The following LRRTM4 variants were observed in gnomAD, a reference collection of about 807,000 sequenced individuals.
LRRTM4 encodes leucine-rich repeat transmembrane neuronal protein 4.
A neutral mutation model predicts 47.6 loss-of-function variants in LRRTM4; 25 were observed. The ratio of observed to expected loss-of-function variants is 0.53; its 90% CI spans 0.38 to 0.73. The LOEUF (loss-of-function observed/expected upper bound fraction) is 0.73. Among genes scored for constraint, LRRTM4 ranks in the 30% least tolerant of loss-of-function variants. The pLI is 0.00. For missense variants in LRRTM4, 638 were observed against 713.4 expected, an observed-to-expected ratio of 0.89 and a Z score of 1.20; for synonymous variants, 311 against 269.5, an observed-to-expected ratio of 1.15 and a Z score of -1.51.
chr2:76,955,620 G>A (rs1237034099), intron 3 of LRRTM4, among the ~76,000 whole-genome samples: 2 of 151,688 alleles, frequency 1.3e-5, no homozygotes, highest in Non-Finnish European at 2.9e-5. Context: ...TTCCCAATAC[G>A]ATGCTATGTA....
At position 76,930,863 on chromosome 2, in the gene LRRTM4, G is replaced by T. The variant is rs1674746973; in HGVS notation, c.1552-181947C>A. ...TTAGAAATGCTCAAGAAATTATGAA[G>T]CACTGTTTACAAATAAATTATAATG... On this transcript the variant is annotated intron_variant, in intron 3 of 3. Coordinates refer to ENST00000409884, the MANE Select transcript of LRRTM4 (RefSeq NM_001134745.3). Among the ~76,000 whole-genome samples the T allele has an allele frequency of 2.0e-5, 3 of 152,114 alleles. No homozygotes were observed. In the South Asian group the frequency reaches 6.2e-4, roughly 32 times the overall value.
intron 2 of LRRTM4, 99 bp downstream of exon 2, chr2:77,521,569 T>C (rs886457332): frequency 1.4e-6 from 2 of 1,393,326 alleles, no homozygotes; most frequent in Non-Finnish European, 1.0e-6. Context: ...TGCTGCTCTT[T>C]GCCTGTTTCC....
intron 3 of LRRTM4, among the ~76,000 whole-genome samples, chr2:77,261,856 G>T (rs532477907): frequency 2.0e-5 from 3 of 151,958 alleles, no homozygotes; most frequent in Non-Finnish European, 4.4e-5. Context: ...ATACAACATG[G>T]GTTCCCAACC....
At chr2:77,323,674 T>C (rs1670643513) in intron 3 of LRRTM4, among the ~76,000 whole-genome samples, 1 of 152,158 alleles carries the variant, frequency 6.6e-6, no homozygotes, top group Non-Finnish European at 1.5e-5. Context: ...AGAGGTTAAA[T>C]GGCTTACTTA....
At chr2:76,902,391 C>T (rs534915975) in intron 3 of LRRTM4, among the ~76,000 whole-genome samples, 1 of 152,188 alleles carries the variant, frequency 6.6e-6, no homozygotes, top group Admixed American at 6.5e-5. Flanking sequence ...ATACTTGAAA[C>T]ATTATAACAT....
chr2:77,444,680 G>C (rs559617908), intron 3 of LRRTM4, among the ~76,000 whole-genome samples: 1 of 151,770 alleles, frequency 6.6e-6, no homozygotes, highest in African/African-American at 2.4e-5. Context: ...ATTGATTTCA[G>C]CCAAACATGA....
intron 3 of LRRTM4, among the ~76,000 whole-genome samples, chr2:77,225,666 GTAAT>G (rs1674784576): frequency 6.6e-6 from 1 of 152,018 alleles, no homozygotes; most frequent in African/African-American, 2.4e-5. Flanking sequence ...ATGTAAATGA[GTAAT>G]TATTATTTGC....
intron 3 of LRRTM4, among the ~76,000 whole-genome samples, chr2:76,866,889 A>G (rs1672485023): frequency 6.6e-6 from 1 of 152,182 alleles, no homozygotes; most frequent in South Asian, 2.1e-4. Context: ...TCAAGCAGCC[A>G]TAAAAAAGAA....
At chr2:76,770,599 G>T (rs571221436) in intron 3 of LRRTM4, among the ~76,000 whole-genome samples, 2 of 152,202 alleles carry the variant, frequency 1.3e-5, no homozygotes, top group African/African-American at 2.4e-5. Context: ...GTTTCTTTCT[G>T]GTTTGGAGGT....
chr2:77,168,452 T>G (rs1050522276), intron 3 of LRRTM4, among the ~76,000 whole-genome samples: 2 of 152,098 alleles, frequency 1.3e-5, no homozygotes, highest in Non-Finnish European at 2.9e-5. Flanking sequence ...TACATATTTA[T>G]GGGGTGTAGG....
At chr2:76,757,506 G>A (rs191633295) in intron 3 of LRRTM4, among the ~76,000 whole-genome samples, 3 of 152,176 alleles carry the variant, frequency 2.0e-5, no homozygotes, top group African/African-American at 7.2e-5. Context: ...AGCAGCACTC[G>A]CAGTATTCAG....
chr2:77,365,174 A>G (rs1196775488), intron 3 of LRRTM4, among the ~76,000 whole-genome samples: 1 of 152,080 alleles, frequency 6.6e-6, no homozygotes, highest in Non-Finnish European at 1.5e-5. Context: ...ACACATAAAA[A>G]TAGCCTTAAG....
At chr2:77,363,698 A>T (rs1349930425) in intron 3 of LRRTM4, among the ~76,000 whole-genome samples, 1 of 152,198 alleles carries the variant, frequency 6.6e-6, no homozygotes, top group Non-Finnish European at 1.5e-5. Flanking sequence ...CATTATCATG[A>T]AGTCCTTGAT....
intron 3 of LRRTM4, among the ~76,000 whole-genome samples, chr2:77,200,461 CTCT>C (rs1248008786): frequency 2.6e-5 from 4 of 151,984 alleles, no homozygotes; most frequent in Non-Finnish European, 4.4e-5. Context: ...CAAATATAAA[CTCT>C]TCTTCAATTC....
intron 3 of LRRTM4, among the ~76,000 whole-genome samples, chr2:77,214,942 C>A (rs1674394632): frequency 1.3e-5 from 2 of 152,070 alleles, no homozygotes; most frequent in African/African-American, 4.8e-5. Flanking sequence ...AGTCCGCCTT[C>A]TTTAGCTTAA....
rs976733832 is a variant in LRRTM4, at chr2:77,518,424, T to C, written c.1445A>G (p.Gln482Arg). The C allele has an allele frequency of 6.2e-7, 1 of 1,613,202 alleles. No individual in the cohort carries two copies. The highest frequency in any genetic ancestry group is 1.1e-5 in the South Asian group (1 of 91,074). ...ESERQMNSPL[Q>R]EYYVDYKPTN... ...AGGCTTGTAGTCCACATAATACTCCTGTAAAGGGGAATTCATTTGTCTTTC... is the reference window on the plus strand; with the variant it reads ...AGGCTTGTAGTCCACATAATACTCCCGTAAAGGGGAATTCATTTGTCTTTC... Residue 482 changes from glutamine (Q) to arginine (R), a missense_variant, in exon 3 of 4, where the codon CAG becomes CGG. By Grantham distance (43) the Gln-to-Arg change is conservative (BLOSUM62 1). Transcript: ENST00000409884.
intron 3 of LRRTM4, among the ~76,000 whole-genome samples, chr2:77,485,583 T>C (rs1677877956): frequency 6.6e-6 from 1 of 152,172 alleles, no homozygotes; most frequent in Non-Finnish European, 1.5e-5. Context: ...GGAATTTGGA[T>C]GTTGCTAGGA....
intron 3 of LRRTM4, among the ~76,000 whole-genome samples, chr2:77,309,309 A>T (rs1677380406): frequency 6.6e-6 from 1 of 152,190 alleles, no homozygotes. Flanking sequence ...AAGACTCAGG[A>T]AACGTGAAAA....
chr2:76,994,098 A>G (rs1390535500), intron 3 of LRRTM4, among the ~76,000 whole-genome samples: 1 of 151,784 alleles, frequency 6.6e-6, no homozygotes, highest in Non-Finnish European at 1.5e-5. Flanking sequence ...AACAATAGAC[A>G]CTGCAGACAA....
Sources: gnomAD v4.1 joint callset for allele counts (sites outside exome capture counted in the v4.1 genomes callset) on GRCh38, gnomAD v4.1.1 for gene constraint, MANE v1.5 for transcripts, NCBI Gene and HGNC (gene_info 2026-07-23, HGNC 2026-07-21) for gene names.